The following CAB39 variants were observed in gnomAD, a reference collection of about 807,000 sequenced individuals.
CAB39 encodes calcium-binding protein 39.
A neutral mutation model predicts 40.0 loss-of-function variants in CAB39; 8 were observed. The observed-to-expected ratio is 0.20, with a 90% confidence interval of 0.12 to 0.36. The LOEUF (loss-of-function observed/expected upper bound fraction) is 0.36, where lower values mean the gene tolerates loss of function less well. CAB39 is among the 10% of genes least tolerant of loss of function. The probability of loss-of-function intolerance (pLI) is 1.00; values close to 1 mark genes in which losing one functional copy is unlikely to be tolerated. For synonymous variants in CAB39, 156 were observed against 141.6 expected (o/e 1.10, Z -0.72); for missense variants, 270 against 401.1 (o/e 0.67, Z 2.79).
chr2:230,725,054 T>C, intron 1 of CAB39: 1 of 1,461,642 alleles, frequency 6.8e-7, no homozygotes, highest in Non-Finnish European at 9.5e-7. Flanking sequence ...ACAATAGCAA[T>C]CTTTTCCTTC....
At position 230,712,947 on chromosome 2, in the gene CAB39, C is replaced by G. The variant is rs11555187; in HGVS notation, c.-327C>G. 0.15 allele frequency: 22,220 copies of G among 151,598 alleles called. 2,444 individuals are homozygous for G. The highest frequency in any genetic ancestry group is 0.31 in the African/African-American group (12,973 of 41,416). The allele number at this position is 151,598 out of a possible 1,614,324, so 9.4% of individuals were successfully genotyped here. The stretch of plus-strand genomic sequence containing the variant: ...GCCTTCAGGCGCCGGGGCGGGGGCA[C>G]AGGCGAAGACTAAGGCGGCGCCGGG... On this transcript the variant is annotated 5_prime_UTR_variant, in exon 1 of 9. Transcript: ENST00000258418.
intron 1 of CAB39, among the ~76,000 whole-genome samples, chr2:230,747,386 T>C (rs369465653): frequency 6.6e-6 from 1 of 152,258 alleles, no homozygotes. Context: ...CACTTGTTGA[T>C]GGCATTGCCC....
intron 1 of CAB39, among the ~76,000 whole-genome samples, chr2:230,723,582 T>C (rs1456110899): frequency 2.0e-5 from 3 of 152,184 alleles, no homozygotes; most frequent in Non-Finnish European, 1.5e-5. Context: ...CTCCTTTTAG[T>C]GCCCCACACT....
At chr2:230,774,203 A>G (rs1302203129) in intron 2 of CAB39, among the ~76,000 whole-genome samples, 1 of 152,176 alleles carries the variant, frequency 6.6e-6, no homozygotes. Context: ...TTTATTCATT[A>G]TGTCCCTGGG....
At chr2:230,756,034 G>A (rs988205785) in intron 1 of CAB39, among the ~76,000 whole-genome samples, 33 of 152,138 alleles carry the variant, frequency 2.2e-4, no homozygotes, top group African/African-American at 7.5e-4. Flanking sequence ...GGAAGGCAGC[G>A]TCCCCCCCGG....
chr2:230,772,232 C>A (rs141696960), intron 2 of CAB39, among the ~76,000 whole-genome samples: 89 of 152,186 alleles, frequency 5.8e-4, no homozygotes, highest in African/African-American at 2.1e-3. Flanking sequence ...TAGAAACAAT[C>A]CAGTTAAGAG....
chr2:230,807,018 C>G (rs1475956310), intron 5 of CAB39, among the ~76,000 whole-genome samples: 6 of 152,080 alleles, frequency 3.9e-5, no homozygotes, highest in African/African-American at 1.4e-4. Context: ...GGGAAATGAT[C>G]CCTAGTCTTT....
At chr2:230,792,921 A>AT (rs1479252415) in intron 3 of CAB39, among the ~76,000 whole-genome samples, 22 of 152,322 alleles carry the variant, frequency 1.4e-4, no homozygotes, top group African/African-American at 5.3e-4. Context: ...TTTGTTTCTC[A>AT]TATCAGAGTC....
chr2:230,716,451 C>T (rs1313398458), intron 1 of CAB39, among the ~76,000 whole-genome samples: 1 of 152,186 alleles, frequency 6.6e-6, no homozygotes, highest in African/African-American at 2.4e-5. Flanking sequence ...CAAATCCAAC[C>T]TCCCCAACCC....
At chr2:230,740,011 G>A (rs75870275) in intron 1 of CAB39, among the ~76,000 whole-genome samples, 2,974 of 152,236 alleles carry the variant, frequency 0.02, 89 homozygotes, top group African/African-American at 0.068. Flanking sequence ...AGTAGGGCTA[G>A]GATAGAACAA....
chr2:230,746,277 G>A (rs1334485625), intron 1 of CAB39, among the ~76,000 whole-genome samples: 1 of 152,168 alleles, frequency 6.6e-6, no homozygotes, highest in African/African-American at 2.4e-5. Context: ...GTTACCATGG[G>A]AGCTAGAGAA....
intron 1 of CAB39, among the ~76,000 whole-genome samples, chr2:230,742,422 G>A (rs923963286): frequency 2.6e-5 from 4 of 152,088 alleles, no homozygotes; most frequent in Non-Finnish European, 4.4e-5. Flanking sequence ...TGATTCGCCC[G>A]CCTCGGCCTC....
chr2:230,782,128 A>G (rs1450448567), intron 2 of CAB39, among the ~76,000 whole-genome samples: 1 of 152,170 alleles, frequency 6.6e-6, no homozygotes, highest in African/African-American at 2.4e-5. Context: ...GGCCTCTGAA[A>G]GTGCTAGGAT....
chr2:230,752,746 T>C (rs1298673092), intron 1 of CAB39, among the ~76,000 whole-genome samples: 1 of 152,202 alleles, frequency 6.6e-6, no homozygotes, highest in Non-Finnish European at 1.5e-5. Context: ...ACCCTTAATG[T>C]CTGTAAAGAT....
intron 2 of CAB39, among the ~76,000 whole-genome samples, chr2:230,782,809 CTTTCTTTTTT>C (rs1199960629): frequency 8.9e-6 from 1 of 112,432 alleles, no homozygotes; most frequent in Non-Finnish European, 1.7e-5. Flanking sequence ...TTCTTTCTTT[CTTTCTTTTTT>C]TTTTTTTTTT....
chr2:230,737,393 A>G (rs1222757415), intron 1 of CAB39, among the ~76,000 whole-genome samples: 1 of 152,164 alleles, frequency 6.6e-6, no homozygotes, highest in Non-Finnish European at 1.5e-5. Flanking sequence ...CCCTCTCAGG[A>G]CACCTGCAGA....
At chr2:230,752,221 C>T (rs1323635426) in intron 1 of CAB39, 2 of 148,378 alleles carry the variant, frequency 1.3e-5, no homozygotes, top group Non-Finnish European at 3.0e-5. Flanking sequence ...GGATGACACA[C>T]AAACTTGTGA....
intron 1 of CAB39, among the ~76,000 whole-genome samples, chr2:230,719,829 C>G (rs1694414788): frequency 6.6e-6 from 1 of 152,146 alleles, no homozygotes; most frequent in East Asian, 1.9e-4. Flanking sequence ...TCTGACTTGC[C>G]TTTTTCTCCT....
At chr2:230,793,906 T>G (rs1695932667) in intron 4 of CAB39, among the ~76,000 whole-genome samples, 1 of 152,200 alleles carries the variant, frequency 6.6e-6, no homozygotes, top group Admixed American at 6.5e-5. Context: ...CATTAATGTT[T>G]GGGTAGTCTT....
Sources: gnomAD v4.1 joint callset for allele counts (sites outside exome capture counted in the v4.1 genomes callset) on GRCh38, gnomAD v4.1.1 for gene constraint, MANE v1.5 for transcripts, NCBI Gene and HGNC (gene_info 2026-07-23, HGNC 2026-07-21) for gene names.